MUSK: variants seen among roughly 807,000 people sequenced by gnomAD.
MUSK encodes muscle associated receptor tyrosine kinase.
A neutral mutation model predicts 88.7 loss-of-function variants in MUSK; 55 were observed. The observed-to-expected ratio is 0.62, with a 90% CI of 0.50 to 0.78. The LOEUF (loss-of-function observed/expected upper bound fraction) is 0.78, where lower values mean the gene tolerates loss of function less well. Among genes scored for constraint, MUSK ranks in the 30% least tolerant of loss-of-function variants. The pLI, the probability that MUSK is intolerant of heterozygous loss-of-function variation, is 0.00. For synonymous variants in MUSK, 387 were observed against 391.9 expected, an observed-to-expected ratio of 0.99 and a Z score of 0.15; for missense variants, 1,015 against 1,074.3, an observed-to-expected ratio of 0.94 and a Z score of 0.77.
chr9:110,693,788 T>A (rs755125882), intron 3 of MUSK, among the ~76,000 whole-genome samples: 11 of 152,170 alleles, frequency 7.2e-5, no homozygotes, highest in Non-Finnish European at 1.0e-4. Context: ...AGCTTTACCA[T>A]AGAGATCTTG....
intron 1 of MUSK, among the ~76,000 whole-genome samples, chr9:110,671,388 T>C (rs1016918278): frequency 5.3e-5 from 8 of 152,218 alleles, no homozygotes; most frequent in Admixed American, 5.2e-4. Context: ...TTAGATAATA[T>C]ACTTCTTCCT....
At chr9:110,730,168 T>C (rs1489109913) in intron 5 of MUSK, among the ~76,000 whole-genome samples, 1 of 151,798 alleles carries the variant, frequency 6.6e-6, no homozygotes, top group East Asian at 1.9e-4. Flanking sequence ...AACTCATGAA[T>C]AGATCCCATG....
rs1382656796 is a variant in MUSK, at chr9:110,784,886, TTC to T, written c.1460_1461del (p.Ser487CysfsTer40). On this transcript the variant is annotated frameshift_variant, in exon 12 of 15. Transcript: ENST00000374448. LOFTEE classifies it high-confidence loss of function. ...PNLPSSSSSS[F>X]SVSPTYSMTV... is the part of the protein sequence containing the mutation. ...TCTGCCTTCCTCCTCCTCTTCTTCC[TTC>T]TCTGTCTCACCTACATACTCCATGA... The T allele has an allele frequency of 6.2e-7, 1 of 1,613,824 alleles. No homozygotes were observed. The highest frequency in any genetic ancestry group is 8.5e-7 in the Non-Finnish European group (1 of 1,179,854).
intron 14 of MUSK, among the ~76,000 whole-genome samples, chr9:110,797,185 AAAAG>A (rs2078020061): frequency 1.4e-5 from 2 of 142,198 alleles, no homozygotes; most frequent in African/African-American, 5.2e-5. Context: ...AAAAAAAAAA[AAAAG>A]AAGGCATTTC....
At chr9:110,784,028 A>G (rs1435757603) in intron 11 of MUSK, among the ~76,000 whole-genome samples, 1 of 152,098 alleles carries the variant, frequency 6.6e-6, no homozygotes, top group Non-Finnish European at 1.5e-5. Flanking sequence ...CTGCCTTTAA[A>G]ATTTATTGAG....
intron 6 of MUSK, among the ~76,000 whole-genome samples, chr9:110,742,643 G>GT (rs2077117786): frequency 6.6e-6 from 1 of 152,204 alleles, no homozygotes; most frequent in Admixed American, 6.5e-5. Context: ...AATAACAAGA[G>GT]TAGGATAGTT....
chr9:110,762,777 A>G (rs1470475317), intron 8 of MUSK, among the ~76,000 whole-genome samples: 1 of 152,216 alleles, frequency 6.6e-6, no homozygotes, highest in East Asian at 1.9e-4. Flanking sequence ...ACTGACCTTC[A>G]TAAAACTCTA....
At position 110,802,379 on chromosome 9, in the gene MUSK, G is replaced by T. The variant is rs1294127396; in HGVS notation, c.*1391G>T. Among the ~76,000 whole-genome samples the T allele has an allele frequency of 1.3e-5, 2 of 152,106 alleles. No individual in the cohort carries two copies. The highest frequency in any genetic ancestry group is 2.9e-5 in the Non-Finnish European group (2 of 68,024). On this transcript the variant is annotated 3_prime_UTR_variant, in exon 15 of 15. Transcript: ENST00000374448. ...CCAAATTCTCCTGAAAACGAACAGG[G>T]AAGAGAAAATAACAGTCTACTCTAT...
At chr9:110,737,009 A>T (rs1387251720) in intron 6 of MUSK, among the ~76,000 whole-genome samples, 1 of 152,104 alleles carries the variant, frequency 6.6e-6, no homozygotes, top group African/African-American at 2.4e-5. Flanking sequence ...AAGGGCATGA[A>T]GTTTTGATTT....
intron 8 of MUSK, among the ~76,000 whole-genome samples, chr9:110,763,572 A>G (rs1438353833): frequency 1.3e-5 from 2 of 152,182 alleles, no homozygotes; most frequent in Non-Finnish European, 2.9e-5. Flanking sequence ...GTTTGCTTTG[A>G]AGGTTGGAAG....
At chr9:110,761,064 A>T (rs2077390896) in intron 7 of MUSK, among the ~76,000 whole-genome samples, 1 of 152,248 alleles carries the variant, frequency 6.6e-6, no homozygotes, top group African/African-American at 2.4e-5. Flanking sequence ...TTGAGAGGAC[A>T]GGACGAAGTA....
chr9:110,681,047 A>ATAAT (rs2076110803), intron 1 of MUSK, among the ~76,000 whole-genome samples: 1 of 27,350 alleles, frequency 3.7e-5, no homozygotes, highest in Admixed American at 4.3e-4. Context: ...TATATAATAT[A>ATAAT]TATTATATAT....
intron 14 of MUSK, 81 bp from the exon 15 acceptor site, chr9:110,800,225 A>G: frequency 8.0e-7 from 1 of 1,254,606 alleles, no homozygotes; most frequent in Non-Finnish European, 1.1e-6. Context: ...ATGTTCTGAC[A>G]TGGTCGTTTG....
intron 9 of MUSK, among the ~76,000 whole-genome samples, chr9:110,768,489 TCAAA>T (rs1290271310): frequency 2.0e-5 from 3 of 152,276 alleles, no homozygotes; most frequent in East Asian, 1.9e-4. Context: ...AGACTCTGTC[TCAAA>T]CAAACAAACA....
Position 110,768,033 on chromosome 9 carries a change from C to G in MUSK, c.1134C>G (p.Ile378Met). The G allele has an allele frequency of 6.2e-7, 1 of 1,613,988 alleles. No individual in the cohort carries two copies. The highest frequency in any genetic ancestry group is 8.5e-7 in the Non-Finnish European group (1 of 1,179,860). ...CTGAGGCTTTGTTGTGTAACCACAT[C>G]TTCCAGGAGTGCAGTCCTGGAGTAG... Reference protein sequence around the residue: ...PAAEALLCNHIFQECSPGVVP... With the variant: ...PAAEALLCNHMFQECSPGVVP... The change falls in exon 9 of 15, where the codon ATC becomes ATG. Residue 378 changes from isoleucine (I) to methionine (M), a missense_variant. By Grantham distance (10) the Ile-to-Met change is conservative. Coordinates refer to ENST00000374448, the MANE Select transcript of MUSK (RefSeq NM_005592.4).
intron 9 of MUSK, among the ~76,000 whole-genome samples, chr9:110,774,429 C>T (rs2077633135): frequency 6.6e-6 from 1 of 152,102 alleles, no homozygotes; most frequent in South Asian, 2.1e-4. Flanking sequence ...GCAATGAAAA[C>T]AAAGCAAACC....
At chr9:110,693,169 C>A (rs964043862) in intron 3 of MUSK, among the ~76,000 whole-genome samples, 2 of 152,114 alleles carry the variant, frequency 1.3e-5, no homozygotes, top group Admixed American at 6.5e-5. Context: ...CAAGTATTTC[C>A]TTACTTTGTG....
At chr9:110,799,840 T>C (rs991545139) in intron 14 of MUSK, among the ~76,000 whole-genome samples, 27 of 152,064 alleles carry the variant, frequency 1.8e-4, no homozygotes, top group African/African-American at 6.0e-4. Flanking sequence ...TGAGGCACCC[T>C]AGGGAGAGTG....
At chr9:110,697,126 G>C (rs1446503387) in intron 4 of MUSK, among the ~76,000 whole-genome samples, 199 bp from the exon 5 acceptor site, 1 of 150,200 alleles carries the variant, frequency 6.7e-6, no homozygotes, top group Non-Finnish European at 1.5e-5. Context: ...TACCTCATAG[G>C]ACCCTGGTGA....
Sources: allele counts gnomAD v4.1 joint callset (sites outside exome capture counted in the v4.1 genomes callset), GRCh38; gene constraint gnomAD v4.1.1; transcripts MANE v1.5; gene names NCBI Gene and HGNC (gene_info 2026-07-23, HGNC 2026-07-21).